The following PSD3 variants were observed in gnomAD, a reference collection of about 807,000 sequenced individuals.
PSD3 encodes the protein pleckstrin and Sec7 domain containing 3.
Under a neutral mutation model 105.5 loss-of-function variants are expected in PSD3, and 49 were observed. The ratio of observed to expected loss-of-function variants is 0.46; its 90% CI spans 0.37 to 0.59. The LOEUF is 0.59. Ranked by LOEUF, PSD3 falls within the 20% of genes least tolerant of loss-of-function variation. The probability of loss-of-function intolerance (pLI) is 0.00; values close to 1 mark genes in which losing one functional copy is unlikely to be tolerated. For synonymous variants in PSD3, 557 were observed against 457.8 expected (o/e 1.22, Z -2.77); for missense variants, 1,561 against 1,263.8 (o/e 1.24, Z -3.57).
intron 1 of PSD3, among the ~76,000 whole-genome samples, chr8:18,949,877 A>C (rs1473598416): frequency 1.3e-5 from 2 of 152,194 alleles, no homozygotes; most frequent in South Asian, 4.1e-4. Flanking sequence ...TTTTTTCATC[A>C]TATTTTAAAT....
intron 1 of PSD3, among the ~76,000 whole-genome samples, chr8:18,957,226 C>T (rs1283335988): frequency 6.6e-6 from 1 of 152,056 alleles, no homozygotes; most frequent in Non-Finnish European, 1.5e-5. Context: ...CAAAAATTAG[C>T]TGGGCATGGT....
chr8:18,886,310 G>A (rs1818448708), intron 2 of PSD3, among the ~76,000 whole-genome samples: 1 of 152,104 alleles, frequency 6.6e-6, no homozygotes, highest in Non-Finnish European at 1.5e-5. Flanking sequence ...TCCAGGTAAA[G>A]CCAGGTGAGG....
chr8:19,048,173 G>T (rs1041015804), intron 1 of PSD3, among the ~76,000 whole-genome samples: 30 of 152,146 alleles, frequency 2.0e-4, no homozygotes, highest in Non-Finnish European at 3.2e-4. Flanking sequence ...GCCCTCTGGG[G>T]CTGAAATAAA....
intron 9 of PSD3, among the ~76,000 whole-genome samples, chr8:18,729,180 C>G (rs889279713): frequency 6.6e-6 from 1 of 152,194 alleles, no homozygotes; most frequent in African/African-American, 2.4e-5. Context: ...TTTTCTTCCC[C>G]TTTGAGACTC....
intron 9 of PSD3, among the ~76,000 whole-genome samples, chr8:18,755,795 T>C (rs1176819222): frequency 6.6e-6 from 1 of 151,960 alleles, no homozygotes; most frequent in Non-Finnish European, 1.5e-5. Flanking sequence ...ACATGATTTG[T>C]GGATCTTCAG....
At chr8:18,973,469 T>C (rs1380048918) in intron 1 of PSD3, among the ~76,000 whole-genome samples, 8 of 152,174 alleles carry the variant, frequency 5.3e-5, no homozygotes, top group Admixed American at 4.6e-4. Flanking sequence ...AGATGGTCTT[T>C]CCTGTGTGTA....
chr8:18,646,232 T>G (rs1416278046), intron 10 of PSD3, among the ~76,000 whole-genome samples: 1 of 152,160 alleles, frequency 6.6e-6, no homozygotes, highest in Non-Finnish European at 1.5e-5. Flanking sequence ...TAAAGTTCCC[T>G]CATAAATGTC....
At chr8:18,683,403 T>C (rs1218355646) in intron 9 of PSD3, among the ~76,000 whole-genome samples, 2 of 152,172 alleles carry the variant, frequency 1.3e-5, no homozygotes, top group African/African-American at 4.8e-5. Flanking sequence ...ATACACAATA[T>C]CTCTGTATTC....
chr8:18,894,915 GA>G (rs1477328264), intron 2 of PSD3, among the ~76,000 whole-genome samples: 1 of 152,228 alleles, frequency 6.6e-6, no homozygotes, highest in African/African-American at 2.4e-5. Context: ...AGTTTTGTAT[GA>G]AGTGTTAAAG....
intron 2 of PSD3, among the ~76,000 whole-genome samples, chr8:18,916,297 GATATATATATATATATATATATAT>G (rs71218908): frequency 0.056 from 1,738 of 31,304 alleles, 88 homozygotes; most frequent in East Asian, 0.19. Context: ...TAAAAAAAGT[GATATATATATATATATATATATAT>G]ATATATATAT....
chr8:18,882,672 G>T (rs1244968386), intron 2 of PSD3, among the ~76,000 whole-genome samples: 1 of 152,050 alleles, frequency 6.6e-6, no homozygotes, highest in African/African-American at 2.4e-5. Flanking sequence ...GTCCAATTTG[G>T]TAGCCATATC....
chr8:18,531,544 T>C lies in PSD3; in HGVS notation c.*4199A>G, dbSNP rs1180106406. The C allele has an allele frequency of 6.6e-6, 1 of 152,244 alleles. No individual in the cohort carries two copies. The highest frequency in any genetic ancestry group is 2.4e-5 in the African/African-American group (1 of 41,440). 9.4% of individuals were successfully genotyped at this position (152,244 alleles called of 1,614,324 possible). A position where few individuals can be genotyped will look rare whatever the true frequency, so the allele number is the denominator to read the frequency against. On this transcript the variant is annotated 3_prime_UTR_variant, in exon 16 of 16. Coordinates refer to ENST00000327040, the MANE Select transcript of PSD3 (RefSeq NM_015310.4). ...TTGATCATGTAAGATGCTATAAGAC[T>C]GGTGGAAAGAAATTTGCTGACATGT...
At chr8:18,546,670 T>G (rs1176611177) in intron 15 of PSD3, among the ~76,000 whole-genome samples, 1 of 152,234 alleles carries the variant, frequency 6.6e-6, no homozygotes, top group African/African-American at 2.4e-5. Context: ...CTCAGGAAAT[T>G]TGAAGTACAT....
chr8:18,727,844 C>T (rs1020273585), intron 9 of PSD3, among the ~76,000 whole-genome samples: 3 of 152,120 alleles, frequency 2.0e-5, no homozygotes, highest in African/African-American at 7.2e-5. Flanking sequence ...AAGTTTGTAA[C>T]ATATCCCACC....
At chr8:18,555,445 A>G (rs1318562871) in intron 15 of PSD3, among the ~76,000 whole-genome samples, 1 of 152,156 alleles carries the variant, frequency 6.6e-6, no homozygotes, top group African/African-American at 2.4e-5. Context: ...AAAACAAAAA[A>G]CAACAGGTCA....
chr8:18,701,104 C>G (rs1042545011), intron 9 of PSD3, among the ~76,000 whole-genome samples: 1 of 151,070 alleles, frequency 6.6e-6, no homozygotes, highest in Non-Finnish European at 1.5e-5. Flanking sequence ...TAGCTGAGAC[C>G]ACAGGTGTGT....
chr8:18,536,923 T>C (rs1284169109), intron 15 of PSD3, among the ~76,000 whole-genome samples: 1 of 152,202 alleles, frequency 6.6e-6, no homozygotes, highest in East Asian at 1.9e-4. Context: ...GTGTTTTATT[T>C]CTAAACCAAA....
intron 9 of PSD3, among the ~76,000 whole-genome samples, chr8:18,673,217 C>T (rs535275052): frequency 6.6e-5 from 10 of 152,130 alleles, no homozygotes; most frequent in South Asian, 4.2e-4. Context: ...CACACACACA[C>T]ACCCACACAC....
chr8:18,536,721 A>G (rs576085550), intron 15 of PSD3, among the ~76,000 whole-genome samples: 40 of 152,140 alleles, frequency 2.6e-4, no homozygotes, highest in African/African-American at 6.7e-4. Flanking sequence ...TGGATATCTA[A>G]GATTTTTTTT....
Sources: gnomAD v4.1 joint callset for allele counts (sites outside exome capture counted in the v4.1 genomes callset) on GRCh38, gnomAD v4.1.1 for gene constraint, MANE v1.5 for transcripts, NCBI Gene and HGNC (gene_info 2026-07-23, HGNC 2026-07-21) for gene names.